The following POLR1C variants were observed in gnomAD, a reference collection of about 807,000 sequenced individuals.
The protein encoded by POLR1C is DNA-directed RNA polymerases I and III subunit RPAC1.
A neutral mutation model predicts 38.3 loss-of-function variants in POLR1C; 42 were observed. That is an observed-to-expected ratio of 1.10 (90% confidence interval 0.86 to 1.42). The LOEUF is 1.42. Among genes scored for constraint, POLR1C ranks in the 40% most tolerant of loss-of-function variants. POLR1C has a pLI of 0.00. For synonymous variants in POLR1C, 163 were observed against 163.9 expected, an observed-to-expected ratio of 0.99 and a Z score of 0.04; for missense variants, 507 against 450.5, an observed-to-expected ratio of 1.13 and a Z score of -1.14.
intron 9 of POLR1C, among the ~76,000 whole-genome samples, chr6:43,545,779 T>A (rs1794937188): frequency 6.6e-6 from 1 of 151,812 alleles, no homozygotes; most frequent in African/African-American, 2.4e-5. Flanking sequence ...AATAACTGAA[T>A]TATATAAAAA....
intron 9 of POLR1C, among the ~76,000 whole-genome samples, chr6:43,544,507 G>A (rs771662388): frequency 2.6e-5 from 4 of 152,132 alleles, no homozygotes; most frequent in Admixed American, 2.0e-4. Flanking sequence ...CTGTTTCCAC[G>A]TCTGGGTTGG....
Position 43,519,232 on chromosome 6 carries a change from G to C in POLR1C, c.142-101G>C, listed in dbSNP as rs188823884. ...ACATTTGGGCAAAGGGAGGTTTTTGGATGAGAGGATAATACTTGAGGGAAT... is the reference window on the plus strand; with the variant it reads ...ACATTTGGGCAAAGGGAGGTTTTTGCATGAGAGGATAATACTTGAGGGAAT... On this transcript the variant is annotated intron_variant, in intron 2 of 8. Transcript: ENST00000642195. 783 of 766,208 alleles carry C rather than the reference G, an allele frequency of 1.0e-3. 1 individual carries two copies. Among genetic ancestry groups the C allele is most frequent in the Admixed American group, 2.1e-3 (106 of 50,200 alleles). The allele number at this position is 766,208 out of a possible 1,614,324, so 47.5% of individuals were successfully genotyped here. A position where few individuals can be genotyped will look rare whatever the true frequency, so the allele number is the denominator to read the frequency against.
At chr6:43,538,394 C>A (rs1794484526) in intron 9 of POLR1C, among the ~76,000 whole-genome samples, 1 of 151,968 alleles carries the variant, frequency 6.6e-6, no homozygotes, top group African/African-American at 2.4e-5. Flanking sequence ...CAAGGATCCG[C>A]CTGCCTCGGC....
downstream of POLR1C, chr6:43,533,573 A>C (rs539501868): frequency 5.3e-6 from 1 of 189,098 alleles, no homozygotes; most frequent in African/African-American, 2.3e-5. Flanking sequence ...GAACGCCTGT[A>C]ATCACTAGGA....
At chr6:43,528,830 T>C (rs1195431406) in intron 8 of POLR1C, 2 of 1,613,312 alleles carry the variant, frequency 1.2e-6, no homozygotes, top group South Asian at 1.1e-5. Flanking sequence ...TCTCTTACCA[T>C]ATGGAGGTAG....
rs1795160975 is a variant in POLR1C, at chr6:43,550,190, C to T, written c.*5-778C>T. On this transcript the variant is annotated intron_variant, in intron 9 of 10. Transcript: ENST00000607635. ...GATCCCAGAACAATTCATGCCATCACCCAAGCACTTGGCTATGGAAACGCC... is the reference window on the plus strand; with the variant it reads ...GATCCCAGAACAATTCATGCCATCATCCAAGCACTTGGCTATGGAAACGCC... Among the ~76,000 whole-genome samples the T allele has an allele frequency of 4.6e-5, 7 of 152,288 alleles. No individual in the cohort carries two copies. In the South Asian group the frequency reaches 1.5e-3, roughly 32 times the overall value.
intron 9 of POLR1C, among the ~76,000 whole-genome samples, chr6:43,550,802 G>A (rs1795189039): frequency 6.6e-6 from 1 of 152,098 alleles, no homozygotes; most frequent in African/African-American, 2.4e-5. Context: ...CTCAGGGAGT[G>A]GCTCTATCAC....
At chr6:43,541,862 C>T (rs781739187) in intron 9 of POLR1C, among the ~76,000 whole-genome samples, 3 of 152,218 alleles carry the variant, frequency 2.0e-5, no homozygotes, top group Non-Finnish European at 4.4e-5. Context: ...ACTGTAACCT[C>T]CATCTCCTGG....
chr6:43,542,339 G>A (rs1794737920), intron 9 of POLR1C, among the ~76,000 whole-genome samples: 1 of 152,096 alleles, frequency 6.6e-6, no homozygotes, highest in Non-Finnish European at 1.5e-5. Flanking sequence ...TTTGACGCAG[G>A]AGGTGCTATG....
In POLR1C at chr6:43,517,190, G is replaced by C; in HGVS notation, c.69+12G>C. The C allele has an allele frequency of 1.2e-6, 2 of 1,613,830 alleles. No homozygotes were observed. Among genetic ancestry groups the C allele is most frequent in the Non-Finnish European group, 1.7e-6 (2 of 1,179,768 alleles). On this transcript the variant is annotated intron_variant, in intron 1 of 8. Coordinates refer to ENST00000642195, the MANE Select transcript of POLR1C (RefSeq NM_203290.4). ...TTGGGGTTCGCAATGTAAGCCTTGT[G>C]GCCTTGAGCTCGGGCGGGAGGAATG...
intron 9 of POLR1C, chr6:43,546,788 A>AG (rs775586222): frequency 3.3e-6 from 5 of 1,496,722 alleles, no homozygotes; most frequent in African/African-American, 2.9e-5. Context: ...AAATATTAAA[A>AG]GGAAAAAAAA....
chr6:43,539,569 G>A, intron 9 of POLR1C: 1 of 1,365,180 alleles, frequency 7.3e-7, no homozygotes, highest in Non-Finnish European at 1.0e-6. Context: ...CGCGGCCTCA[G>A]CCCCGGCCCG....
chr6:43,522,173 A>G (rs1434203522), downstream of POLR1C, among the ~76,000 whole-genome samples: 4 of 152,260 alleles, frequency 2.6e-5, no homozygotes, highest in Non-Finnish European at 4.4e-5. Context: ...TGGGTATGTC[A>G]GGAATAGAAA....
chr6:43,533,890 A>C, downstream of POLR1C: 1 of 1,570,360 alleles, frequency 6.4e-7, no homozygotes, highest in African/African-American at 1.4e-5. Flanking sequence ...TAGGAGAAAA[A>C]AGGTTACATT....
chr6:43,518,765 C>A (rs947798122), intron 2 of POLR1C, among the ~76,000 whole-genome samples: 2 of 152,158 alleles, frequency 1.3e-5, no homozygotes, highest in Non-Finnish European at 2.9e-5. Flanking sequence ...CTCACTGCAA[C>A]CTCCGCCTCC....
At chr6:43,541,093 A>G (rs1794667212) in intron 9 of POLR1C, among the ~76,000 whole-genome samples, 1 of 152,138 alleles carries the variant, frequency 6.6e-6, no homozygotes, top group Non-Finnish European at 1.5e-5. Flanking sequence ...GATGGTTAGC[A>G]GAGGGGCTGG....
rs367992648 is a variant in POLR1C at position 43,527,703 on chromosome 6, G to A, written c.923-1546G>A. The A allele has an allele frequency of 6.2e-7, 1 of 1,613,882 alleles. No individual in the cohort carries two copies. The highest frequency in any genetic ancestry group is 1.7e-5 in the Admixed American group (1 of 60,008). On this transcript the variant is annotated intron_variant, in intron 8 of 8. Coordinates refer to the POLR1C transcript ENST00000304004. ...TCCTCCAGCATCTCTTGAGACTCTG[G>A]GTTTTCATCTGCAGCCTCATCTTCT...
At chr6:43,557,486 T>C (rs1174145439) in intron 10 of POLR1C, among the ~76,000 whole-genome samples, 2 of 151,936 alleles carry the variant, frequency 1.3e-5, no homozygotes, top group East Asian at 1.9e-4. Context: ...AAAAACATTA[T>C]GCAAGTGAAA....
intron 9 of POLR1C, chr6:43,546,741 A>G: frequency 2.5e-6 from 4 of 1,588,952 alleles, no homozygotes; most frequent in Non-Finnish European, 3.4e-6. Context: ...TGCTGTATAC[A>G]CAAAAGCTCA....
Sources: allele counts gnomAD v4.1 joint callset (sites outside exome capture counted in the v4.1 genomes callset), GRCh38; gene constraint gnomAD v4.1.1; transcripts MANE v1.5; gene names NCBI Gene and HGNC (gene_info 2026-07-23, HGNC 2026-07-21).